The following CBLN2 variants were observed in gnomAD, a reference collection of about 807,000 sequenced individuals.
The protein encoded by CBLN2 is cerebellin 2 precursor.
A neutral mutation model predicts 15.0 loss-of-function variants in CBLN2; 7 were observed. That is an observed-to-expected ratio of 0.47 (90% CI 0.27 to 0.88). CBLN2 has a LOEUF of 0.88. CBLN2 is among the 40% of genes least tolerant of loss of function. CBLN2 has a pLI of 0.14. For synonymous variants in CBLN2, 149 were observed against 135.2 expected (o/e 1.10, Z -0.71); for missense variants, 242 against 304.5 (o/e 0.79, Z 1.53).
intron 1 of CBLN2, among the ~76,000 whole-genome samples, chr18:72,606,355 A>C (rs2069583593): frequency 6.6e-6 from 1 of 152,180 alleles, no homozygotes; most frequent in Admixed American, 6.6e-5. Context: ...CATATTAACC[A>C]ATATGGAAAT....
chr18:72,574,790 A>G (rs769737006), intron 1 of CBLN2, among the ~76,000 whole-genome samples: 3 of 152,196 alleles, frequency 2.0e-5, no homozygotes, highest in Non-Finnish European at 4.4e-5. Context: ...AAGGGAGTAA[A>G]TGAGCTAGGA....
chr18:72,577,813 G>C (rs2069377867), intron 1 of CBLN2, among the ~76,000 whole-genome samples: 1 of 152,182 alleles, frequency 6.6e-6, no homozygotes, highest in African/African-American at 2.4e-5. Flanking sequence ...CACTGAATAT[G>C]ATGAGCATTT....
chr18:72,592,958 C>T (rs1306741320), intron 1 of CBLN2, among the ~76,000 whole-genome samples: 1 of 151,968 alleles, frequency 6.6e-6, no homozygotes, highest in African/African-American at 2.4e-5. Flanking sequence ...CTCAGGATGA[C>T]TTTGTCTATT....
At chr18:72,595,334 C>T (rs761599842) in intron 1 of CBLN2, among the ~76,000 whole-genome samples, 1 of 151,896 alleles carries the variant, frequency 6.6e-6, no homozygotes, top group Admixed American at 6.6e-5. Context: ...GTTTGCATAG[C>T]TTTCAAAACT....
intron 1 of CBLN2, among the ~76,000 whole-genome samples, chr18:72,597,590 G>A (rs940484849): frequency 2.6e-5 from 4 of 152,210 alleles, no homozygotes; most frequent in Non-Finnish European, 5.9e-5. Context: ...TAATCAGCAG[G>A]TGGTGAATCC....
intron 1 of CBLN2, among the ~76,000 whole-genome samples, chr18:72,581,156 T>C (rs1212486487): frequency 6.6e-6 from 1 of 152,232 alleles, no homozygotes; most frequent in Non-Finnish European, 1.5e-5. Context: ...ATCTCTCCTC[T>C]ATCAGGAGCC....
rs761698750 is a variant in CBLN2 at position 72,625,650 on chromosome 18, T to TTATTATTATAGGATTA, written c.15+12659_15+12674dup. Among the ~76,000 whole-genome samples, 535 of 145,756 alleles carry TTATTATTATAGGATTA rather than the reference T, an allele frequency of 3.7e-3. 1 individual carries two copies. Among genetic ancestry groups the TTATTATTATAGGATTA allele is most frequent in the Non-Finnish European group, 6.2e-3 (411 of 66,686 alleles). The stretch of plus-strand genomic sequence containing the variant: ...ATAAATATACAGTATTACTCTATTA[T>TTATTATTATAGGATTA]TATTATTATAGGATTATATTATTAT... On this transcript the variant is annotated intron_variant, in intron 1 of 2. Coordinates refer to the CBLN2 transcript ENST00000581073.
intron 1 of CBLN2, among the ~76,000 whole-genome samples, chr18:72,594,459 G>GT (rs2069500452): frequency 6.7e-6 from 1 of 148,660 alleles, no homozygotes; most frequent in Admixed American, 6.7e-5. Flanking sequence ...TTTTTTTAAT[G>GT]TATCTTTGTC....
intron 1 of CBLN2, among the ~76,000 whole-genome samples, chr18:72,553,709 C>T (rs1444530710): frequency 6.6e-6 from 1 of 152,076 alleles, no homozygotes; most frequent in African/African-American, 2.4e-5. Flanking sequence ...TAGGAAATTT[C>T]CTAATCCTGG....
At chr18:72,553,179 C>G (rs1201690959) in intron 1 of CBLN2, among the ~76,000 whole-genome samples, 1 of 152,102 alleles carries the variant, frequency 6.6e-6, no homozygotes, top group Non-Finnish European at 1.5e-5. Context: ...TCTTGTCTCT[C>G]CCTGGGCTTC....
chr18:72,620,964 T>C (rs374852140), intron 1 of CBLN2, among the ~76,000 whole-genome samples: 1 of 152,304 alleles, frequency 6.6e-6, no homozygotes, highest in South Asian at 2.1e-4. Flanking sequence ...GCATAGGAAG[T>C]GCTAGAAAAT....
At chr18:72,574,224 A>T (rs372850479) in intron 1 of CBLN2, among the ~76,000 whole-genome samples, 1 of 152,060 alleles carries the variant, frequency 6.6e-6, no homozygotes, top group Non-Finnish European at 1.5e-5. Flanking sequence ...TTTTCTTTCA[A>T]TCTGGTCTTT....
Position 72,616,590 on chromosome 18 carries a change from G to A in CBLN2, c.15+21735C>T, listed in dbSNP as rs549116845. Among the ~76,000 whole-genome samples, 70 of 152,292 alleles carry A rather than the reference G, an allele frequency of 4.6e-4. 1 individual carries two copies. Among genetic ancestry groups the A allele is most frequent in the Non-Finnish European group, 8.4e-4 (57 of 68,008 alleles). Reference sequence around the variant, plus strand: ...TGATTCCTTTTGAGTATTTGTTTGAGTATGGATGCTGCAATATTTTTCCAT... The same window carrying A: ...TGATTCCTTTTGAGTATTTGTTTGAATATGGATGCTGCAATATTTTTCCAT... On this transcript the variant is annotated intron_variant, in intron 1 of 2. Transcript: ENST00000581073.
chr18:72,546,445 A>C (rs1254748694), upstream of CBLN2, among the ~76,000 whole-genome samples: 3 of 152,168 alleles, frequency 2.0e-5, no homozygotes, highest in East Asian at 5.8e-4. Context: ...CTCTCTCAAA[A>C]AAAAAAAAAA....
intron 1 of CBLN2, among the ~76,000 whole-genome samples, chr18:72,632,797 T>C (rs2069785575): frequency 6.6e-6 from 1 of 152,198 alleles, no homozygotes; most frequent in Non-Finnish European, 1.5e-5. Context: ...TCTTTGCCCA[T>C]GCAGATCAAG....
chr18:72,559,131 G>A (rs1023054700), intron 1 of CBLN2, among the ~76,000 whole-genome samples: 8 of 152,200 alleles, frequency 5.3e-5, no homozygotes, highest in African/African-American at 1.9e-4. Flanking sequence ...GCATCCCACA[G>A]CCCACCAGCA....
At chr18:72,618,258 C>A (rs1004913730) in intron 1 of CBLN2, 2 of 305,486 alleles carry the variant, frequency 6.5e-6, no homozygotes, top group South Asian at 1.0e-4. Flanking sequence ...CTCTCTTTCC[C>A]CTGCTGTCAT....
intron 1 of CBLN2, among the ~76,000 whole-genome samples, chr18:72,633,104 G>A (rs561418933): frequency 6.6e-6 from 1 of 152,096 alleles, no homozygotes; most frequent in Non-Finnish European, 1.5e-5. Context: ...TATGTACTAA[G>A]TATTCAAAAA....
chr18:72,581,769 T>G (rs1019026069), intron 1 of CBLN2, among the ~76,000 whole-genome samples: 1 of 152,218 alleles, frequency 6.6e-6, no homozygotes, highest in Admixed American at 6.5e-5. Context: ...GATGAGTGTG[T>G]TTTGTATGCT....
Sources: gnomAD v4.1 joint callset for allele counts (sites outside exome capture counted in the v4.1 genomes callset) on GRCh38, gnomAD v4.1.1 for gene constraint, MANE v1.5 for transcripts, NCBI Gene and HGNC (gene_info 2026-07-23, HGNC 2026-07-21) for gene names.